ATP9B: variants seen among roughly 807,000 people sequenced by gnomAD.
The protein encoded by ATP9B is ATPase phospholipid transporting 9B.
ATP9B carries 110 observed loss-of-function variants against 146.1 expected under a neutral mutation model. The ratio of observed to expected loss-of-function variants is 0.75; its 90% CI spans 0.65 to 0.88. ATP9B has a LOEUF of 0.88. Ranked by LOEUF, ATP9B falls within the 40% of genes least tolerant of loss-of-function variation. ATP9B has a pLI of 0.00. For synonymous variants in ATP9B, 604 were observed against 569.7 expected (o/e 1.06, Z -0.86); for missense variants, 1,499 against 1,496.4 (o/e 1.00, Z -0.03).
At chr18:79,328,063 G>A (rs959067446) in intron 15 of ATP9B, among the ~76,000 whole-genome samples, 5 of 147,176 alleles carry the variant, frequency 3.4e-5, no homozygotes, top group East Asian at 2.0e-4. Flanking sequence ...TCTGGTTAGC[G>A]TGCTCTCCGT....
intron 5 of ATP9B, among the ~76,000 whole-genome samples, chr18:79,132,232 A>T (rs1015117770): frequency 6.6e-6 from 1 of 152,230 alleles, no homozygotes; most frequent in East Asian, 1.9e-4. Flanking sequence ...TTTATTTCAA[A>T]TGTACATGAA....
chr18:79,325,744 G>A (rs1015497460), intron 15 of ATP9B, among the ~76,000 whole-genome samples: 10 of 152,168 alleles, frequency 6.6e-5, no homozygotes, highest in Admixed American at 2.0e-4. Context: ...TGACACCATC[G>A]CGATCCCTGG....
At chr18:79,300,152 G>A (rs2096580692) in intron 13 of ATP9B, among the ~76,000 whole-genome samples, 1 of 152,224 alleles carries the variant, frequency 6.6e-6, no homozygotes, top group Non-Finnish European at 1.5e-5. Flanking sequence ...CGTGGTAAGA[G>A]GGCAGAGCGA....
At chr18:79,361,728 C>T (rs2096989992) in intron 26 of ATP9B, 2 of 981,898 alleles carry the variant, frequency 2.0e-6, no homozygotes, top group African/African-American at 1.8e-5. Context: ...CTTTCTGTTC[C>T]TTCTGAACAG....
chr18:79,099,834 T>G (rs563847872), intron 2 of ATP9B, among the ~76,000 whole-genome samples: 2 of 152,160 alleles, frequency 1.3e-5, no homozygotes, highest in African/African-American at 4.8e-5. Flanking sequence ...TACTTATAAT[T>G]TTAAAAAATG....
At chr18:79,096,899 G>C (rs1021563175) in intron 2 of ATP9B, among the ~76,000 whole-genome samples, 1 of 152,176 alleles carries the variant, frequency 6.6e-6, no homozygotes, top group African/African-American at 2.4e-5. Flanking sequence ...GCTCATGCCT[G>C]TAATCCTAGC....
chr18:79,327,438 A>G (rs369997426), intron 15 of ATP9B, among the ~76,000 whole-genome samples: 18 of 148,486 alleles, frequency 1.2e-4, no homozygotes, highest in South Asian at 4.2e-4. Flanking sequence ...CGTGCTCTCC[A>G]TGGTTAGTGT....
At chr18:79,266,227 A>T (rs1262443306) in intron 12 of ATP9B, among the ~76,000 whole-genome samples, 3 of 152,110 alleles carry the variant, frequency 2.0e-5, no homozygotes, top group Non-Finnish European at 4.4e-5. Context: ...TGGGATTTTT[A>T]AAATGATGTC....
chr18:79,069,520 G>A lies in ATP9B; in HGVS notation c.110G>A (p.Arg37Gln). The change falls in exon 1 of 30, where the codon CGG (arginine) becomes CAG (glutamine). Residue 37 changes from arginine (R) to glutamine (Q), a missense_variant. Physicochemically the swap from Arg to Gln is conservative, Grantham distance 43. Transcript: ENST00000426216. ...GCGGGGCCCAGGCCGGGAGCCGACC[G>A]GCACAGCAGGTAACCGAGGCGGCAC... ...SAAGPRPGAD[R>Q]HSRYQLEDES... 6 of 1,401,100 alleles carry A rather than the reference G, an allele frequency of 4.3e-6. No individual in the cohort carries two copies. The highest frequency in any genetic ancestry group is 4.7e-6 in the Non-Finnish European group (5 of 1,074,400). The allele number at this position is 1,401,100 out of a possible 1,614,324, so 86.8% of individuals were successfully genotyped here. A position where few individuals can be genotyped will look rare whatever the true frequency, so the allele number is the denominator to read the frequency against.
chr18:79,273,202 T>C (rs1235284059), intron 12 of ATP9B, among the ~76,000 whole-genome samples: 1 of 152,226 alleles, frequency 6.6e-6, no homozygotes, highest in Non-Finnish European at 1.5e-5. Context: ...AGGGTGTTTG[T>C]GATGAATCTA....
chr18:79,077,435 A>G (rs957008813), intron 1 of ATP9B, among the ~76,000 whole-genome samples: 6 of 152,174 alleles, frequency 3.9e-5, no homozygotes, highest in African/African-American at 1.4e-4. Flanking sequence ...TGGTTACTGC[A>G]TGCCTGTGGC....
chr18:79,137,400 A>G (rs1484595516), intron 5 of ATP9B, among the ~76,000 whole-genome samples: 1 of 152,052 alleles, frequency 6.6e-6, no homozygotes, highest in African/African-American at 2.4e-5. Flanking sequence ...ATTCCTGCAA[A>G]TATTGTTGAG....
intron 4 of ATP9B, among the ~76,000 whole-genome samples, chr18:79,119,373 G>A (rs931803730): frequency 6.6e-6 from 1 of 152,120 alleles, no homozygotes; most frequent in Non-Finnish European, 1.5e-5. Flanking sequence ...ACGTTTCTCT[G>A]TTTTTTCTTT....
intron 10 of ATP9B, among the ~76,000 whole-genome samples, chr18:79,211,192 G>A (rs2095581063): frequency 6.6e-6 from 1 of 152,194 alleles, no homozygotes; most frequent in Admixed American, 6.5e-5. Flanking sequence ...TTTAAATAAA[G>A]GAGAGTATAT....
At chr18:79,084,467 T>G (rs1215373210) in intron 1 of ATP9B, among the ~76,000 whole-genome samples, 2 of 152,006 alleles carry the variant, frequency 1.3e-5, no homozygotes, top group Non-Finnish European at 2.9e-5. Context: ...AACATGACAA[T>G]TTTGCTATAA....
intron 17 of ATP9B, among the ~76,000 whole-genome samples, 188 bp downstream of exon 17, chr18:79,330,292 T>C (rs1218178195): frequency 6.6e-6 from 1 of 152,216 alleles, no homozygotes; most frequent in Admixed American, 6.5e-5. Flanking sequence ...TCAAACCAGA[T>C]GCTGATGGGA....
At chr18:79,326,743 G>A (rs571472491) in intron 15 of ATP9B, among the ~76,000 whole-genome samples, 41 of 152,320 alleles carry the variant, frequency 2.7e-4, no homozygotes, top group African/African-American at 9.9e-4. Flanking sequence ...CAGACGTGTG[G>A]GGAATTGCTT....
chr18:79,160,807 T>C (rs1238313794), intron 7 of ATP9B, among the ~76,000 whole-genome samples: 1 of 152,190 alleles, frequency 6.6e-6, no homozygotes, highest in African/African-American at 2.4e-5. Flanking sequence ...GGTCTCGCTT[T>C]GTCACCCAGG....
Position 79,182,708 on chromosome 18 carries a change from T to C in ATP9B, c.873+5801T>C, listed in dbSNP as rs1301171086. Among the ~76,000 whole-genome samples, 4 of 152,248 alleles carry C rather than the reference T, an allele frequency of 2.6e-5. 1 individual carries two copies. The highest frequency in any genetic ancestry group is 4.1e-4 in the South Asian group (2 of 4,834). ...CTTGATTAATTTTTAATGAAAAATA[T>C]TAAGTTCCTTGTGGATGAAACAAAC... On this transcript the variant is annotated intron_variant, in intron 8 of 29. Coordinates refer to ENST00000426216, the MANE Select transcript of ATP9B (RefSeq NM_198531.5).
Sources: allele counts gnomAD v4.1 joint callset (sites outside exome capture counted in the v4.1 genomes callset), GRCh38; gene constraint gnomAD v4.1.1; transcripts MANE v1.5; gene names NCBI Gene and HGNC (gene_info 2026-07-23, HGNC 2026-07-21).